The following NPAS3 variants were observed in gnomAD, a reference collection of about 807,000 sequenced individuals.
NPAS3 encodes neuronal PAS domain-containing protein 3.
A neutral mutation model predicts 73.1 loss-of-function variants in NPAS3; 14 were observed. The ratio of observed to expected loss-of-function variants is 0.19; its 90% confidence interval spans 0.13 to 0.30. NPAS3 has a LOEUF of 0.30. NPAS3 is among the 10% of genes least tolerant of loss of function. The probability of loss-of-function intolerance (pLI) is 1.00; values close to 1 mark genes in which losing one functional copy is unlikely to be tolerated. For missense variants in NPAS3, 1,096 were observed against 1,250.0 expected, an observed-to-expected ratio of 0.88 and a Z score of 1.86; for synonymous variants, 620 against 541.5, an observed-to-expected ratio of 1.14 and a Z score of -2.01.
chr14:33,354,077 G>A (rs1373198888), intron 3 of NPAS3, among the ~76,000 whole-genome samples: 4 of 152,110 alleles, frequency 2.6e-5, no homozygotes, highest in Non-Finnish European at 5.9e-5. Context: ...CTAAACTCCT[G>A]GTAATTTTGT....
At chr14:33,434,544 G>A (rs962468861) in intron 4 of NPAS3, among the ~76,000 whole-genome samples, 2 of 151,742 alleles carry the variant, frequency 1.3e-5, no homozygotes, top group African/African-American at 4.8e-5. Context: ...AAAATCCATA[G>A]TTAACAATGA....
chr14:32,954,363 T>C (rs1407567124), intron 1 of NPAS3, among the ~76,000 whole-genome samples: 1 of 152,140 alleles, frequency 6.6e-6, no homozygotes, highest in Non-Finnish European at 1.5e-5. Flanking sequence ...TTGTTTAAAG[T>C]TCACTTTTTC....
chr14:33,666,581 T>G (rs1325362861), intron 5 of NPAS3, among the ~76,000 whole-genome samples: 2 of 152,170 alleles, frequency 1.3e-5, no homozygotes, highest in East Asian at 3.8e-4. Context: ...CTGGAGAAAT[T>G]TGAGAGGCAG....
At chr14:33,277,232 G>A (rs1033310947) in intron 3 of NPAS3, among the ~76,000 whole-genome samples, 9 of 152,276 alleles carry the variant, frequency 5.9e-5, no homozygotes, top group African/African-American at 2.2e-4. Context: ...ATATGCTCAA[G>A]TGTGGAGGCA....
chr14:33,516,511 A>C (rs1333268944), intron 4 of NPAS3, among the ~76,000 whole-genome samples: 1 of 152,102 alleles, frequency 6.6e-6, no homozygotes, highest in East Asian at 1.9e-4. Flanking sequence ...AAGTGTAGAG[A>C]GTGGAGAACC....
At chr14:32,974,964 A>G (rs929524872) in intron 1 of NPAS3, among the ~76,000 whole-genome samples, 1 of 152,228 alleles carries the variant, frequency 6.6e-6, no homozygotes, top group African/African-American at 2.4e-5. Flanking sequence ...AATATAGAGT[A>G]TCTGATTAAT....
chr14:33,629,461 A>G (rs1365832611), intron 5 of NPAS3, among the ~76,000 whole-genome samples: 1 of 152,172 alleles, frequency 6.6e-6, no homozygotes, highest in Non-Finnish European at 1.5e-5. Flanking sequence ...TTTGGTTTGC[A>G]TCCTGGATAT....
chr14:33,035,981 C>G (rs1007537728), intron 1 of NPAS3, among the ~76,000 whole-genome samples: 3 of 152,160 alleles, frequency 2.0e-5, no homozygotes, highest in Non-Finnish European at 2.9e-5. Context: ...GCTTTCGTAA[C>G]TTATTTTGAA....
chr14:33,471,027 TAG>T (rs936416419), intron 4 of NPAS3, among the ~76,000 whole-genome samples: 1 of 152,136 alleles, frequency 6.6e-6, no homozygotes, highest in Non-Finnish European at 1.5e-5. Context: ...CTTTGTGTGA[TAG>T]AATTGCACGT....
At chr14:33,770,789 A>G (rs905363782) in intron 7 of NPAS3, among the ~76,000 whole-genome samples, 2 of 152,194 alleles carry the variant, frequency 1.3e-5, no homozygotes, top group African/African-American at 4.8e-5. Context: ...AATCCCAGCA[A>G]CTCGGGAGGC....
At chr14:33,727,362 G>A (rs1296492334) in intron 6 of NPAS3, among the ~76,000 whole-genome samples, 1 of 152,048 alleles carries the variant, frequency 6.6e-6, no homozygotes, top group African/African-American at 2.4e-5. Flanking sequence ...GCTGTGATAT[G>A]CGCTAAACAG....
At chr14:33,449,499 G>A (rs1488592928) in intron 4 of NPAS3, among the ~76,000 whole-genome samples, 1 of 151,914 alleles carries the variant, frequency 6.6e-6, no homozygotes. Context: ...TACAGAAAGC[G>A]TTTTTTTGAC....
intron 4 of NPAS3, among the ~76,000 whole-genome samples, chr14:33,476,692 G>A (rs1175012864): frequency 6.6e-6 from 1 of 152,124 alleles, no homozygotes; most frequent in Non-Finnish European, 1.5e-5. Flanking sequence ...AGCAAATACT[G>A]GAACTTCATT....
chr14:33,586,757 C>T (rs1004443501), intron 5 of NPAS3, among the ~76,000 whole-genome samples: 3 of 152,072 alleles, frequency 2.0e-5, no homozygotes, highest in South Asian at 2.1e-4. Context: ...ACGTATGTTT[C>T]GACTTTATTT....
intron 2 of NPAS3, among the ~76,000 whole-genome samples, chr14:33,202,148 T>A (rs1483647237): frequency 6.6e-6 from 1 of 152,158 alleles, no homozygotes; most frequent in Non-Finnish European, 1.5e-5. Flanking sequence ...ACACCTGTAA[T>A]CCCAGCACTC....
chr14:33,196,663 A>C (rs1235479470), intron 2 of NPAS3, among the ~76,000 whole-genome samples: 5 of 152,220 alleles, frequency 3.3e-5, no homozygotes, highest in Non-Finnish European at 7.3e-5. Context: ...GAATAAAGAG[A>C]CATTATTTTC....
chr14:32,980,732 C>T (rs1028056098), intron 1 of NPAS3, among the ~76,000 whole-genome samples: 7 of 151,932 alleles, frequency 4.6e-5, no homozygotes, highest in East Asian at 1.9e-4. Flanking sequence ...GCATGACAGC[C>T]GGAAGAAGAT....
At chr14:33,731,511 A>G (rs58669818) in intron 6 of NPAS3, among the ~76,000 whole-genome samples, 2,862 of 151,914 alleles carry the variant, frequency 0.019, 103 homozygotes, top group African/African-American at 0.065. Flanking sequence ...CCCTGGAGAG[A>G]ATACTGAAAG....
chr14:33,089,225 C>T (rs1000721719), intron 2 of NPAS3, among the ~76,000 whole-genome samples: 7 of 152,120 alleles, frequency 4.6e-5, no homozygotes, highest in Non-Finnish European at 8.8e-5. Flanking sequence ...AATTAGAACC[C>T]ATCGCAAAGA....
Sources: gnomAD v4.1 joint callset for allele counts (sites outside exome capture counted in the v4.1 genomes callset) on GRCh38, gnomAD v4.1.1 for gene constraint, MANE v1.5 for transcripts, NCBI Gene and HGNC (gene_info 2026-07-23, HGNC 2026-07-21) for gene names.